The following MEIKIN variants were observed in gnomAD, a reference collection of about 807,000 sequenced individuals.
The protein encoded by MEIKIN is meiosis-specific kinetochore protein.
intron 11 of MEIKIN, among the ~76,000 whole-genome samples, chr5:131,824,247 G>T (rs1749570336): frequency 6.6e-6 from 1 of 152,078 alleles, no homozygotes; most frequent in African/African-American, 2.4e-5. Context: ...AGGCGTGGTG[G>T]CTCACACTTG....
chr5:131,868,969 G>GT (rs1163253981), intron 9 of MEIKIN, among the ~76,000 whole-genome samples: 5 of 152,218 alleles, frequency 3.3e-5, no homozygotes, highest in African/African-American at 7.2e-5. Flanking sequence ...TACAGCAAAA[G>GT]TTTTTTTATT....
At chr5:131,895,342 A>G (rs1751019139) in intron 8 of MEIKIN, among the ~76,000 whole-genome samples, 1 of 152,138 alleles carries the variant, frequency 6.6e-6, no homozygotes, top group South Asian at 2.1e-4. Context: ...TATTGGTCTA[A>G]AATTCTCTTT....
chr5:131,916,802 G>C (rs1036474526), intron 7 of MEIKIN, 84 bp downstream of exon 7: 1 of 391,786 alleles, frequency 2.6e-6, no homozygotes, highest in African/African-American at 2.1e-5. Flanking sequence ...ACCTGAGTTT[G>C]TGGACTAACA....
intron 8 of MEIKIN, among the ~76,000 whole-genome samples, chr5:131,881,250 TGTTAGTCCTCAATC>T (rs1750699468): frequency 6.6e-6 from 1 of 152,156 alleles, no homozygotes; most frequent in Non-Finnish European, 1.5e-5. Context: ...CTGTGACAAT[TGTTAGTCCTCAATC>T]CTCATTTGAT....
chr5:131,822,647 G>A (rs142862407), intron 11 of MEIKIN, among the ~76,000 whole-genome samples: 1 of 152,078 alleles, frequency 6.6e-6, no homozygotes, highest in African/African-American at 2.4e-5. Context: ...TCTATGTCTT[G>A]AAAAGTTGTA....
chr5:131,918,494 C>G (rs1008948287), intron 6 of MEIKIN, among the ~76,000 whole-genome samples: 2 of 152,166 alleles, frequency 1.3e-5, no homozygotes, highest in Non-Finnish European at 2.9e-5. Flanking sequence ...TATGGCCATC[C>G]AGACAGCTAT....
chr5:131,928,446 C>T (rs765546373), intron 5 of MEIKIN, among the ~76,000 whole-genome samples: 2 of 152,044 alleles, frequency 1.3e-5, no homozygotes, highest in Non-Finnish European at 1.5e-5. Context: ...TGTTGACCAT[C>T]GGGCTTACGT....
intron 11 of MEIKIN, among the ~76,000 whole-genome samples, chr5:131,823,010 C>T (rs1369593408): frequency 1.4e-5 from 2 of 145,292 alleles, no homozygotes; most frequent in African/African-American, 5.1e-5. Flanking sequence ...TTAAATATGT[C>T]ATGCCACTCT....
At chr5:131,895,546 A>T (rs1751024556) in intron 8 of MEIKIN, among the ~76,000 whole-genome samples, 1 of 152,192 alleles carries the variant, frequency 6.6e-6, no homozygotes, top group African/African-American at 2.4e-5. Flanking sequence ...CAGGATATTA[A>T]TAATTGCCTC....
At chr5:131,884,211 G>A (rs1750740267) in intron 8 of MEIKIN, among the ~76,000 whole-genome samples, 1 of 152,164 alleles carries the variant, frequency 6.6e-6, no homozygotes, top group Admixed American at 6.6e-5. Flanking sequence ...CACCAGCCAA[G>A]GCAGCTAAGG....
At chr5:131,842,940 G>A (rs1749942675) in intron 11 of MEIKIN, among the ~76,000 whole-genome samples, 1 of 152,230 alleles carries the variant, frequency 6.6e-6, no homozygotes, top group Admixed American at 6.5e-5. Context: ...CTGCCTGGAT[G>A]TCCAGGTGTT....
chr5:131,919,036 C>A (rs535651867), intron 6 of MEIKIN, among the ~76,000 whole-genome samples: 2 of 152,102 alleles, frequency 1.3e-5, no homozygotes, highest in Non-Finnish European at 2.9e-5. Flanking sequence ...AGACAACTGA[C>A]AAACTGGGAC....
At chr5:131,944,934 T>A (rs1236697668) in intron 2 of MEIKIN, 182 bp from the exon 3 acceptor site, 1 of 397,816 alleles carries the variant, frequency 2.5e-6, no homozygotes, top group African/African-American at 2.1e-5. Context: ...ACCGACCAAT[T>A]TATCTCACTT....
intron 8 of MEIKIN, among the ~76,000 whole-genome samples, chr5:131,902,695 A>T (rs1292028997): frequency 6.6e-6 from 1 of 152,208 alleles, no homozygotes; most frequent in Non-Finnish European, 1.5e-5. Context: ...CAGCCCACAA[A>T]GATGGGAAAG....
intron 8 of MEIKIN, among the ~76,000 whole-genome samples, chr5:131,888,666 G>T (rs1471202688): frequency 1.3e-5 from 2 of 152,012 alleles, no homozygotes; most frequent in Admixed American, 6.6e-5. Flanking sequence ...AGGTTGCCTG[G>T]TCACTCTGAT....
intron 11 of MEIKIN, among the ~76,000 whole-genome samples, chr5:131,839,444 C>T (rs1749866245): frequency 6.6e-6 from 1 of 152,142 alleles, no homozygotes; most frequent in African/African-American, 2.4e-5. Flanking sequence ...CTAATACTGT[C>T]AGTGGGGTGT....
At chr5:131,923,202 A>C (rs1751534952) in intron 5 of MEIKIN, among the ~76,000 whole-genome samples, 1 of 152,070 alleles carries the variant, frequency 6.6e-6, no homozygotes, top group African/African-American at 2.4e-5. Flanking sequence ...TATATTTTTA[A>C]ATCTATTTAA....
At chr5:131,942,800 TTA>T (rs1210769579) in intron 3 of MEIKIN, 105 bp from the exon 4 acceptor site, 9 of 386,032 alleles carry the variant, frequency 2.3e-5, no homozygotes, top group Admixed American at 8.9e-5. Flanking sequence ...CATCAACTTT[TTA>T]TATGTTTCAT....
intron 11 of MEIKIN, among the ~76,000 whole-genome samples, chr5:131,834,795 C>T (rs930103701): frequency 3.3e-5 from 5 of 152,014 alleles, no homozygotes; most frequent in South Asian, 2.1e-4. Context: ...TTTGAGATAC[C>T]GATTTCATTT....
Sources: gnomAD v4.1 joint callset for allele counts (sites outside exome capture counted in the v4.1 genomes callset) on GRCh38, gnomAD v4.1.1 for gene constraint, MANE v1.5 for transcripts, NCBI Gene and HGNC (gene_info 2026-07-23, HGNC 2026-07-21) for gene names.